The following NOTCH1 variants were observed in gnomAD, a reference collection of about 807,000 sequenced individuals.
NOTCH1 encodes the protein notch receptor 1, also known as neurogenic locus notch homolog protein 1.
A neutral mutation model predicts 254.8 loss-of-function variants in NOTCH1; 37 were observed. The ratio of observed to expected loss-of-function variants is 0.15; its 90% CI spans 0.11 to 0.19. The LOEUF (loss-of-function observed/expected upper bound fraction) is 0.19. NOTCH1 is among the 10% of genes least tolerant of loss of function. The pLI is 1.00. For synonymous variants in NOTCH1, 1,731 were observed against 1,618.1 expected (o/e 1.07, Z -1.68); for missense variants, 2,972 against 3,708.6 (o/e 0.80, Z 5.16).
At chr9:136,502,668 G>C in intron 27 of NOTCH1, 180 bp from the exon 28 acceptor site, 1 of 575,118 alleles carries the variant, frequency 1.7e-6, no homozygotes, top group South Asian at 2.2e-5. Context: ...GCAAACTATC[G>C]CTAAATTCTC....
Position 136,538,077 on chromosome 9 carries a change from C to T in NOTCH1, c.140+5947G>A, listed in dbSNP as rs1390573819. Among the ~76,000 whole-genome samples the T allele has an allele frequency of 2.6e-5, 4 of 152,274 alleles. No individual in the cohort carries two copies. In the East Asian group the frequency reaches 7.7e-4, roughly 29 times the overall value. ...TCTGGGTGACAAAGCAAGACTCCATCTCAAAAAACAAACAAAAAAAGGCAA... is the reference window on the plus strand; with the variant it reads ...TCTGGGTGACAAAGCAAGACTCCATTTCAAAAAACAAACAAAAAAAGGCAA... On this transcript the variant is annotated intron_variant, in intron 2 of 33. Transcript: ENST00000651671.
chr9:136,502,939 G>C, intron 27 of NOTCH1: 1 of 692,730 alleles, frequency 1.4e-6, no homozygotes, highest in Non-Finnish European at 2.6e-6. Flanking sequence ...AGGGTGGGGA[G>C]AGAAGCAGGC....
Position 136,524,926 on chromosome 9 carries a change from G to A in NOTCH1, c.141-947C>T, listed in dbSNP as rs11574868. ...GCTGGGATTACAGGCGTAAGCCACC[G>A]CGCCCGGCCAGGAAGCCTTTCTGAT... On this transcript the variant is annotated intron_variant, in intron 2 of 33. Coordinates refer to ENST00000651671, the MANE Select transcript of NOTCH1 (RefSeq NM_017617.5). Among the ~76,000 whole-genome samples, 1,077 of 152,220 alleles carry A rather than the reference G, an allele frequency of 7.1e-3. 17 individuals are homozygous for A. Among genetic ancestry groups the A allele is most frequent in the African/African-American group, 0.025 (1,032 of 41,538 alleles).
rs144066379 is a variant in NOTCH1, at chr9:136,513,450, G to A, written c.2295C>T (p.Gly765=). The change falls in exon 14 of 34, where the codon GGC becomes GGT. Residue 765 remains glycine, a synonymous_variant. Transcript: ENST00000651671. This position sits in a 1 kb window ranked among gnomAD's most constrained non-coding sequence, Gnocchi z 4.7. ...CACTGGTCATGTCTTTGCAGGTGCC[G>A]CCGTTGACACAAGGGTTGGATTCAC... ...NECESNPCVN[G]GTCKDMTSGY... The A allele has an allele frequency of 2.9e-5, 46 of 1,613,158 alleles. No homozygotes were observed. Among genetic ancestry groups the A allele is most frequent in the African/African-American group, 2.0e-4 (15 of 75,054 alleles).
chr9:136,518,561 C>G, intron 6 of NOTCH1, 30 bp downstream of exon 6: 1 of 1,585,536 alleles, frequency 6.3e-7, no homozygotes, highest in African/African-American at 1.3e-5. Context: ...TGTGAGCCCC[C>G]TGCGCCCACC....
chr9:136,508,613 G>A (rs1564193301), intron 19 of NOTCH1, among the ~76,000 whole-genome samples: 1 of 152,192 alleles, frequency 6.6e-6, no homozygotes, highest in Non-Finnish European at 1.5e-5. Flanking sequence ...TTTGCTAGAA[G>A]GAACACTTTT....
chr9:136,505,247 G>A lies in NOTCH1; in HGVS notation c.4586+63C>T, dbSNP rs1380880325. 4.6e-6 allele frequency: 7 copies of A among 1,535,432 alleles called. No individual in the cohort carries two copies. In the South Asian group the frequency reaches 5.9e-5, roughly 13 times the overall value. On this transcript the variant is annotated intron_variant, in intron 25 of 33. Transcript: ENST00000651671. ...CTTAGAACTGCATGCTGGCCTCCGG[G>A]CCCAAGCCAGGCCACATCCAAGTTC...
intron 26 of NOTCH1, 79 bp from the exon 27 acceptor site, chr9:136,503,409 A>C (rs1843031743): frequency 6.3e-7 from 1 of 1,598,112 alleles, no homozygotes; most frequent in Non-Finnish European, 8.5e-7. Context: ...CTGCCGCAGG[A>C]CACTGAGGCC....
chr9:136,529,796 G>C (rs1410424109), intron 2 of NOTCH1, among the ~76,000 whole-genome samples: 1 of 152,260 alleles, frequency 6.6e-6, no homozygotes, highest in Non-Finnish European at 1.5e-5. Context: ...AGGAGAGAGG[G>C]ATGCAGGCAC....
intron 9 of NOTCH1, among the ~76,000 whole-genome samples, chr9:136,516,568 G>A (rs745384914): frequency 5.9e-5 from 9 of 152,222 alleles, no homozygotes; most frequent in African/African-American, 1.4e-4. Context: ...CCTGCCCCAC[G>A]TGGTTCTCTG....
At chr9:136,512,735 A>G (rs1039839622) in intron 15 of NOTCH1, among the ~76,000 whole-genome samples, 1 of 152,176 alleles carries the variant, frequency 6.6e-6, no homozygotes, top group Non-Finnish European at 1.5e-5. Flanking sequence ...ACATGCTTGC[A>G]TGAAAATTTT....
rs1408359406 is a variant in NOTCH1 at position 136,545,968 on chromosome 9, C to G, written c.-182G>C. ...CCCGGGCCCGGCTCCGCGCCCGGCT[C>G]GTTCCTTCGCTGCGCTCGCGCCCGC... On this transcript the variant is annotated 5_prime_UTR_variant, in exon 1 of 34. Coordinates refer to ENST00000651671, the MANE Select transcript of NOTCH1 (RefSeq NM_017617.5). This position sits in a 1 kb window ranked among gnomAD's most constrained non-coding sequence, Gnocchi z 6.8. 2.0e-5 allele frequency among the ~76,000 whole-genome samples: 3 copies of G among 147,582 alleles called. No individual in the cohort carries two copies. The highest frequency in any genetic ancestry group is 4.5e-5 in the Non-Finnish European group (3 of 66,390).
rs971020752 is a variant in NOTCH1 at position 136,545,627 on chromosome 9, C to G, written c.61+99G>C. On this transcript the variant is annotated intron_variant, in intron 1 of 33. Transcript: ENST00000651671. The surrounding 1 kb of genome is among the most constrained non-coding windows in gnomAD (Gnocchi z 6.8). Reference sequence around the variant, plus strand: ...GCTTTTCCCTCTCCATGCTGGCCTCCCCGCCGCCCGCTCCCAGCCGTGGGG... The same window carrying G: ...GCTTTTCCCTCTCCATGCTGGCCTCGCCGCCGCCCGCTCCCAGCCGTGGGG... The G allele has an allele frequency of 2.9e-6, 3 of 1,037,270 alleles. No homozygotes were observed. The highest frequency in any genetic ancestry group is 6.7e-5 in the Admixed American group (2 of 29,900). The allele number at this position is 1,037,270 out of a possible 1,614,324, so 64.3% of individuals were successfully genotyped here. A position where few individuals can be genotyped will look rare whatever the true frequency, so the allele number is the denominator to read the frequency against.
chr9:136,543,896 C>G, intron 2 of NOTCH1, 128 bp downstream of exon 2: 1 of 882,118 alleles, frequency 1.1e-6, no homozygotes, highest in Non-Finnish European at 1.9e-6. Context: ...AAAGTCAGCA[C>G]GTGACCGTGC....
At chr9:136,524,082 A>G in intron 2 of NOTCH1, 103 bp from the exon 3 acceptor site, 2 of 1,433,004 alleles carry the variant, frequency 1.4e-6, no homozygotes, top group East Asian at 2.5e-5. Flanking sequence ...CTCCCCCCAC[A>G]CCCCGGGCAC....
rs1172430727 is a variant in NOTCH1, at chr9:136,508,895, T to C, written c.3146A>G (p.Gln1049Arg). The C allele has an allele frequency of 6.5e-7, 1 of 1,548,148 alleles. No homozygotes were observed. Among genetic ancestry groups the C allele is most frequent in the South Asian group, 1.2e-5 (1 of 83,972 alleles). Residue 1049 changes from glutamine (Q) to arginine (R), a missense_variant, in exon 19 of 34, where the codon CAG becomes CGG. Physicochemically the swap from Gln to Arg is conservative, Grantham distance 43. Coordinates refer to ENST00000651671, the MANE Select transcript of NOTCH1 (RefSeq NM_017617.5). ...CTGGCAGTTGGGGCCAGTGTAGCCC[T>C]GGGGGCAGGTGCACCTGTAGGAGCC... ...GCGSYRCTCPQGYTGPNCQNL... is the reference protein window; with the variant it reads ...GCGSYRCTCPRGYTGPNCQNL...
rs1291929434 is a variant in NOTCH1, at chr9:136,510,767, T to C, written c.2626A>G (p.Ser876Gly). Residue 876 changes from serine (S) to glycine (G), a missense_variant, in exon 17 of 34, where the codon AGC (serine) becomes GGC (glycine). This residue lies in a region of NOTCH1 where 1,343 missense variants were observed against 1,557.0 expected (regional missense o/e 0.86). Transcript: ENST00000651671. ...CEVDINECVL[S>G]PCRHGASCQN... ...CAGGATGCGCCGTGCCGGCACGGGC[T>C]CAGAACGCACTCGTTGATGTCGACC... is the stretch of plus-strand genomic sequence containing the variant. 10 of 1,610,392 alleles carry C rather than the reference T, an allele frequency of 6.2e-6. No individual in the cohort carries two copies. The highest frequency in any genetic ancestry group is 8.5e-6 in the Non-Finnish European group (10 of 1,179,836).
chr9:136,503,319 T>A lies in NOTCH1; in HGVS notation c.5030A>T (p.Tyr1677Phe), dbSNP rs1589057362. 2 of 1,612,788 alleles carry A rather than the reference T, an allele frequency of 1.2e-6. No homozygotes were observed. The highest frequency in any genetic ancestry group is 1.7e-6 in the Non-Finnish European group (2 of 1,179,842). ...DPMDVRGSIVYLEIDNRQCVQ... is the reference protein window; with the variant it reads ...DPMDVRGSIVFLEIDNRQCVQ... ...ACACTGCCGGTTGTCAATCTCCAGG[T>A]AGACGATGGAGCTGGGCGGACAATC... Residue 1677 changes from tyrosine to phenylalanine, a missense_variant, in exon 27 of 34, where the codon TAC becomes TTC. Physicochemically the swap from Tyr to Phe is conservative, Grantham distance 22. This residue lies in a region of NOTCH1 where 1,343 missense variants were observed against 1,557.0 expected (regional missense o/e 0.86). Coordinates refer to ENST00000651671, the MANE Select transcript of NOTCH1 (RefSeq NM_017617.5).
intron 2 of NOTCH1, chr9:136,543,338 G>A: frequency 8.5e-6 from 2 of 235,992 alleles, no homozygotes; most frequent in Non-Finnish European, 8.6e-6. Context: ...CCTAGAGGAG[G>A]TATCACCACC....
Sources: allele counts gnomAD v4.1 joint callset (sites outside exome capture counted in the v4.1 genomes callset), GRCh38; gene constraint gnomAD v4.1.1; regional missense constraint gnomAD v4.1.1; non-coding constraint Gnocchi (gnomAD v3.1); transcripts MANE v1.5; gene names NCBI Gene and HGNC (gene_info 2026-07-23, HGNC 2026-07-21).